APCDD1L: variants seen among roughly 807,000 people sequenced by gnomAD.
APCDD1L encodes APC down-regulated 1 like.
In APCDD1L, 21 loss-of-function variants were observed where a neutral mutation model predicts 24.2. The observed-to-expected ratio is 0.87, with a 90% CI of 0.61 to 1.25. The LOEUF (loss-of-function observed/expected upper bound fraction) is 1.25, where lower values mean the gene tolerates loss of function less well. APCDD1L is among the 50% of genes most tolerant of loss of function. APCDD1L has a pLI of 0.00. For synonymous variants in APCDD1L, 321 were observed against 323.6 expected (o/e 0.99, Z 0.09); for missense variants, 704 against 711.7 (o/e 0.99, Z 0.12).
Position 58,470,643 on chromosome 20 carries a change from G to T in APCDD1L, c.154C>A (p.Pro52Thr). The T allele has an allele frequency of 6.3e-7, 1 of 1,580,858 alleles. No homozygotes were observed. The highest frequency in any genetic ancestry group is 2.3e-5 in the East Asian group (1 of 43,974). The change falls in exon 2 of 4, where the codon CCT (proline) becomes ACT (threonine). Residue 52 changes from proline to threonine, a missense_variant. Transcript: ENST00000371149. ...ATCCAAGGTCCATTAAGGCGTGGAG[G>T]CAGGATCGCAGTGCTGGGCACTCTA... ...PDRVPSTAIL[P>T]PRLNGPWIST...
intron 1 of APCDD1L, among the ~76,000 whole-genome samples, chr20:58,511,439 T>C (rs1203879768): frequency 6.6e-6 from 1 of 152,248 alleles, no homozygotes; most frequent in East Asian, 1.9e-4. Flanking sequence ...TTAGCATAGT[T>C]AACTTCCAAT....
chr20:58,501,590 C>G (rs975976578), intron 1 of APCDD1L, among the ~76,000 whole-genome samples: 5 of 152,192 alleles, frequency 3.3e-5, no homozygotes, highest in Non-Finnish European at 7.3e-5. Context: ...TGAAGCCAGA[C>G]AGTCTGTGTT....
At chr20:58,496,892 C>G (rs879842059) in intron 1 of APCDD1L, among the ~76,000 whole-genome samples, 1 of 152,162 alleles carries the variant, frequency 6.6e-6, no homozygotes, top group Non-Finnish European at 1.5e-5. Flanking sequence ...GGAAAGGGAC[C>G]CCCTACGAGC....
At position 58,461,371 on chromosome 20, in the gene APCDD1L, G is replaced by A. The variant is rs754876773; in HGVS notation, c.925C>T (p.Arg309Cys). ...TGGTGGTAATACCCTTCCCAGGAGCGGCTGTGCCCGTGGAAAGTGAAGAGC... is the reference window on the plus strand; with the variant it reads ...TGGTGGTAATACCCTTCCCAGGAGCAGCTGTGCCCGTGGAAAGTGAAGAGC... ...TRLFTFHGHS[R>C]SWEGYYHHFS... The change falls in exon 4 of 4, where the codon CGC becomes TGC. Residue 309 changes from arginine to cysteine, a missense_variant. Transcript: ENST00000371149. This position sits in a 1 kb window ranked among gnomAD's most constrained non-coding sequence, Gnocchi z 6.0. The A allele has an allele frequency of 6.8e-5, 106 of 1,566,640 alleles. No individual in the cohort carries two copies. In the Admixed American group the frequency reaches 9.3e-4, roughly 14 times the overall value.
At chr20:58,466,962 C>T in intron 3 of APCDD1L, 144 bp downstream of exon 3, 3 of 1,047,804 alleles carry the variant, frequency 2.9e-6, no homozygotes, top group Non-Finnish European at 4.0e-6. Flanking sequence ...GGCACGCGGA[C>T]CAGAGTGGGG....
chr20:58,500,528 C>T (rs1425090272), intron 1 of APCDD1L, among the ~76,000 whole-genome samples: 3 of 152,200 alleles, frequency 2.0e-5, no homozygotes, highest in African/African-American at 7.2e-5. Flanking sequence ...CTTGGAAATG[C>T]TTGAGAATGA....
At chr20:58,478,923 G>A (rs1989969424) in intron 1 of APCDD1L, among the ~76,000 whole-genome samples, 1 of 152,036 alleles carries the variant, frequency 6.6e-6, no homozygotes, top group South Asian at 2.1e-4. Context: ...TGGTGTGTGA[G>A]CATCAGATCA....
chr20:58,496,832 GC>G (rs1990331955), intron 1 of APCDD1L, among the ~76,000 whole-genome samples: 1 of 152,112 alleles, frequency 6.6e-6, no homozygotes, highest in Admixed American at 6.5e-5. Context: ...CCGAGGGGAT[GC>G]CCCTGAGGGG....
chr20:58,476,047 G>C (rs1989904005), intron 1 of APCDD1L, among the ~76,000 whole-genome samples: 1 of 152,098 alleles, frequency 6.6e-6, no homozygotes, highest in Admixed American at 6.5e-5. Flanking sequence ...CAGGTACTGG[G>C]GGTTAGGACT....
chr20:58,478,454 C>T (rs1257268341), intron 1 of APCDD1L, among the ~76,000 whole-genome samples: 1 of 151,338 alleles, frequency 6.6e-6, no homozygotes, highest in Non-Finnish European at 1.5e-5. Context: ...TTCTCCCTTC[C>T]TCTGCCTGTG....
At position 58,508,779 on chromosome 20, in the gene APCDD1L, T is replaced by C. The variant is rs1875291868; in HGVS notation, c.49+5880A>G. On this transcript the variant is annotated intron_variant, in intron 1 of 3. Coordinates refer to ENST00000371149, the MANE Select transcript of APCDD1L (RefSeq NM_153360.3). This position sits in a 1 kb window ranked among gnomAD's most constrained non-coding sequence, Gnocchi z 4.0. Reference sequence around the variant, plus strand: ...CGATAAAACAGGCCAGGCCTTCTTCTTGTGCAGCCTACTTTGTAGTGAGGA... The same window carrying C: ...CGATAAAACAGGCCAGGCCTTCTTCCTGTGCAGCCTACTTTGTAGTGAGGA... Among the ~76,000 whole-genome samples, 1 of 152,208 alleles carries C rather than the reference T, an allele frequency of 6.6e-6. No individual in the cohort carries two copies. Among genetic ancestry groups the C allele is most frequent in the Non-Finnish European group, 1.5e-5 (1 of 68,044 alleles).
rs771121433 is a variant in APCDD1L, at chr20:58,514,671, C to A, written c.37G>T (p.Val13Leu). 1.5e-5 allele frequency: 20 copies of A among 1,314,678 alleles called. No homozygotes were observed. In the South Asian group the frequency reaches 5.6e-4, roughly 37 times the overall value. The allele number at this position is 1,314,678 out of a possible 1,614,324, so 81.4% of individuals were successfully genotyped here. A position where few individuals can be genotyped will look rare whatever the true frequency, so the allele number is the denominator to read the frequency against. ...AAMLPYACVL[V>L]LLGAHTAPAA... ...GGGTGGCACCTACCTCCCAAAAGCA[C>A]CAGGACGCAAGCGTAGGGGAGCATG... Residue 13 changes from valine to leucine, a missense_variant, in exon 1 of 4, where the codon GTG becomes TTG. Coordinates refer to ENST00000371149, the MANE Select transcript of APCDD1L (RefSeq NM_153360.3).
intron 1 of APCDD1L, among the ~76,000 whole-genome samples, chr20:58,474,672 C>G (rs542276703): frequency 6.6e-6 from 1 of 152,296 alleles, no homozygotes; most frequent in Non-Finnish European, 1.5e-5. Flanking sequence ...TCATTGCACT[C>G]CAGACTGGGT....
intron 3 of APCDD1L, among the ~76,000 whole-genome samples, chr20:58,463,247 G>A (rs1286571466): frequency 2.0e-5 from 3 of 151,792 alleles, no homozygotes; most frequent in African/African-American, 7.3e-5. Context: ...ACTCAAAGAT[G>A]TTCATTGTCG....
intron 1 of APCDD1L, among the ~76,000 whole-genome samples, chr20:58,509,634 T>C (rs1355095388): frequency 6.6e-6 from 1 of 152,114 alleles, no homozygotes; most frequent in Non-Finnish European, 1.5e-5. Context: ...GTCACTGTCA[T>C]TATTACCAGG....
intron 1 of APCDD1L, among the ~76,000 whole-genome samples, chr20:58,510,628 G>T (rs975659684): frequency 6.6e-6 from 1 of 152,130 alleles, no homozygotes; most frequent in Admixed American, 6.5e-5. Flanking sequence ...CACCATGCCC[G>T]GCCCAATTCT....
intron 1 of APCDD1L, among the ~76,000 whole-genome samples, chr20:58,511,451 T>C (rs6070488): frequency 0.49 from 74,738 of 152,130 alleles, 20,285 homozygotes; most frequent in Admixed American, 0.61. Context: ...ACTTCCAATA[T>C]ATTGCAAAAA....
rs1465988511 is a variant in APCDD1L, at chr20:58,497,176, G to A, written c.49+17483C>T. Among the ~76,000 whole-genome samples the A allele has an allele frequency of 6.6e-6, 1 of 151,680 alleles. No individual in the cohort carries two copies. The highest frequency in any genetic ancestry group is 2.0e-4 in the East Asian group (1 of 5,114). ...GAGGAGGGGGTTGGCGGGAGTATGG[G>A]AGCTGGTGAAAGGGGCCTCCTGGGG... is the stretch of plus-strand genomic sequence containing the variant. On this transcript the variant is annotated intron_variant, in intron 1 of 3. Coordinates refer to ENST00000371149, the MANE Select transcript of APCDD1L (RefSeq NM_153360.3). The surrounding 1 kb of genome is among the most constrained non-coding windows in gnomAD (Gnocchi z 4.3).
chr20:58,514,589 G>C, intron 1 of APCDD1L, 70 bp downstream of exon 1: 1 of 1,265,572 alleles, frequency 7.9e-7, no homozygotes, highest in Non-Finnish European at 1.0e-6. Flanking sequence ...GCCCTTAGGG[G>C]ACATTAGACG....
Sources: gnomAD v4.1 joint callset for allele counts (sites outside exome capture counted in the v4.1 genomes callset) on GRCh38, gnomAD v4.1.1 for gene constraint, Gnocchi (gnomAD v3.1) non-coding constraint, MANE v1.5 for transcripts, NCBI Gene and HGNC (gene_info 2026-07-23, HGNC 2026-07-21) for gene names.